OTUD7A: variants seen among roughly 807,000 people sequenced by gnomAD.
OTUD7A encodes OTU domain-containing protein 7A.
A neutral mutation model predicts 65.7 loss-of-function variants in OTUD7A; 12 were observed. That is an observed-to-expected ratio of 0.18 (90% CI 0.12 to 0.30). The LOEUF (loss-of-function observed/expected upper bound fraction) is 0.30, where lower values mean the gene tolerates loss of function less well. Ranked by LOEUF, OTUD7A falls within the 10% of genes least tolerant of loss-of-function variation. The pLI is 1.00. For synonymous variants in OTUD7A, 641 were observed against 586.3 expected, an observed-to-expected ratio of 1.09 and a Z score of -1.35; for missense variants, 1,148 against 1,304.8, an observed-to-expected ratio of 0.88 and a Z score of 1.85.
Position 31,493,837 on chromosome 15 carries a change from G to C in OTUD7A, c.1172-6271C>G, listed in dbSNP as rs574207036. Among the ~76,000 whole-genome samples the C allele has an allele frequency of 3.5e-5, 5 of 143,612 alleles. No homozygotes were observed. In the East Asian group the frequency reaches 6.2e-4, roughly 18 times the overall value. 94.2% of individuals were successfully genotyped at this position (143,612 alleles called of 152,430 possible). On this transcript the variant is annotated intron_variant, in intron 10 of 12. Transcript: ENST00000307050. ...ATGCAAATATAGCACATCAAAATTT[G>C]TATGGTGTAGTTACAGCAGTACTTA...
chr15:31,629,696 G>C (rs1891080594), intron 3 of OTUD7A, among the ~76,000 whole-genome samples: 1 of 152,194 alleles, frequency 6.6e-6, no homozygotes, highest in African/African-American at 2.4e-5. Context: ...ACCTCTGGTA[G>C]AATTCGGCTG....
At chr15:31,867,887 A>C (rs974493317) in intron 1 of OTUD7A, among the ~76,000 whole-genome samples, 1 of 140,754 alleles carries the variant, frequency 7.1e-6, no homozygotes, top group Non-Finnish European at 1.6e-5. Flanking sequence ...CTCTTGGAAG[A>C]CAGGCATGCG....
At chr15:31,669,804 G>A (rs1397537100) in intron 1 of OTUD7A, among the ~76,000 whole-genome samples, 9 of 151,886 alleles carry the variant, frequency 5.9e-5, no homozygotes, top group Non-Finnish European at 8.8e-5. Context: ...GGGGACCCAG[G>A]GAGCTCCCAG....
intron 1 of OTUD7A, among the ~76,000 whole-genome samples, chr15:31,666,497 C>T (rs1052710097): frequency 1.6e-4 from 24 of 152,002 alleles, no homozygotes; most frequent in Middle Eastern, 3.2e-3. Context: ...CCGTTTGTTT[C>T]TTAATGAGGT....
chr15:31,589,350 C>A (rs1221913562), intron 3 of OTUD7A, among the ~76,000 whole-genome samples: 2 of 148,802 alleles, frequency 1.3e-5, no homozygotes, highest in Admixed American at 1.3e-4. Flanking sequence ...CACAGGCTGG[C>A]GTGTAGTGAC....
chr15:31,548,297 T>C (rs1489272247), intron 5 of OTUD7A, among the ~76,000 whole-genome samples: 1 of 150,872 alleles, frequency 6.6e-6, no homozygotes, highest in East Asian at 1.9e-4. Context: ...TCTAGAATTG[T>C]GTAACTCGGC....
chr15:31,685,614 G>T (rs190132631), intron 1 of OTUD7A, among the ~76,000 whole-genome samples: 1 of 152,316 alleles, frequency 6.6e-6, no homozygotes, highest in South Asian at 2.1e-4. Context: ...AGCCAAGATC[G>T]CACCACTGCA....
chr15:31,547,679 T>C (rs1293869955), intron 5 of OTUD7A, among the ~76,000 whole-genome samples: 1 of 152,290 alleles, frequency 6.6e-6, no homozygotes, highest in East Asian at 1.9e-4. Context: ...TAATAGCTCA[T>C]CAGTAACATT....
chr15:31,591,534 CCTGA>C (rs1397794325), intron 3 of OTUD7A, among the ~76,000 whole-genome samples: 1 of 152,204 alleles, frequency 6.6e-6, no homozygotes, highest in Non-Finnish European at 1.5e-5. Flanking sequence ...ACTCTCTCTG[CCTGA>C]CTGTCATCGA....
chr15:31,524,140 GT>G (rs553283780), intron 8 of OTUD7A, among the ~76,000 whole-genome samples: 17 of 147,202 alleles, frequency 1.2e-4, no homozygotes, highest in Admixed American at 2.7e-4. Flanking sequence ...TGAGTTTTTT[GT>G]TTTTTTTTTT....
intron 1 of OTUD7A, among the ~76,000 whole-genome samples, chr15:31,795,609 A>T (rs1895931151): frequency 6.6e-6 from 1 of 152,218 alleles, no homozygotes; most frequent in African/African-American, 2.4e-5. Context: ...ACACCTCCCC[A>T]TGGAGAGTGG....
At chr15:31,589,585 G>C (rs1889658747) in intron 3 of OTUD7A, among the ~76,000 whole-genome samples, 1 of 150,988 alleles carries the variant, frequency 6.6e-6, no homozygotes. Flanking sequence ...TTACAGGTGT[G>C]AGCTACCATG....
At chr15:31,760,943 T>A (rs1296668505) in intron 1 of OTUD7A, among the ~76,000 whole-genome samples, 1 of 152,158 alleles carries the variant, frequency 6.6e-6, no homozygotes, top group Non-Finnish European at 1.5e-5. Flanking sequence ...TTTGTTTTTT[T>A]AACAAATAAT....
rs2041170614 is a variant in OTUD7A at position 31,483,540 on chromosome 15, C to T, written c.2556G>A (p.Glu852=). ...PGAAGTAGAA[E]HKSQTYTNGF... is the part of the protein sequence containing the mutation. ...CGTTGGTGTAGGTCTGCGACTTGTG[C>T]TCGGCCGCCCCCGCCGTCCCCGCCG... is the stretch of plus-strand genomic sequence containing the variant. The change falls in exon 13 of 13, where the codon GAG becomes GAA. Residue 852 remains glutamate (E), a synonymous_variant. Transcript: ENST00000307050. The T allele has an allele frequency of 7.5e-7, 1 of 1,339,456 alleles. No homozygotes were observed. Among genetic ancestry groups the T allele is most frequent in the Admixed American group, 3.1e-5 (1 of 32,320 alleles). 83.0% of individuals were successfully genotyped at this position (1,339,456 alleles called of 1,614,324 possible). A position where few individuals can be genotyped will look rare whatever the true frequency, so the allele number is the denominator to read the frequency against.
intron 3 of OTUD7A, among the ~76,000 whole-genome samples, chr15:31,585,982 A>G: frequency 6.6e-6 from 1 of 152,240 alleles, no homozygotes; most frequent in East Asian, 1.9e-4. Context: ...ATGCATGTGA[A>G]TATAAATGTA....
At chr15:31,794,794 C>T in intron 1 of OTUD7A, among the ~76,000 whole-genome samples, 1 of 152,110 alleles carries the variant, frequency 6.6e-6, no homozygotes. Context: ...AGAAGAGAGC[C>T]AATCTTAAGT....
At chr15:31,730,913 C>T (rs1431502757) in intron 1 of OTUD7A, among the ~76,000 whole-genome samples, 3 of 152,152 alleles carry the variant, frequency 2.0e-5, no homozygotes, top group African/African-American at 4.8e-5. Context: ...ATGCTTTCTC[C>T]CTGGAGAAGA....
intron 10 of OTUD7A, among the ~76,000 whole-genome samples, chr15:31,495,532 G>A (rs937889266): frequency 2.0e-5 from 3 of 152,176 alleles, no homozygotes; most frequent in Admixed American, 2.0e-4. Flanking sequence ...TCACCCCTTA[G>A]CCAGGGGCCT....
intron 1 of OTUD7A, among the ~76,000 whole-genome samples, chr15:31,665,222 T>C (rs1319409598): frequency 1.3e-5 from 2 of 152,226 alleles, no homozygotes; most frequent in African/African-American, 4.8e-5. Context: ...TGATGGGGAT[T>C]GCACTGAATT....
Sources: allele counts gnomAD v4.1 joint callset (sites outside exome capture counted in the v4.1 genomes callset), GRCh38; gene constraint gnomAD v4.1.1; transcripts MANE v1.5; gene names NCBI Gene and HGNC (gene_info 2026-07-23, HGNC 2026-07-21).